Variants in RAB8B observed in about 807,000 individuals in gnomAD.
The protein encoded by RAB8B is RAB8B, member RAS oncogene family, also known as ras-related protein Rab-8B.
In RAB8B, 11 loss-of-function variants were observed where a neutral mutation model predicts 32.0. That is an observed-to-expected ratio of 0.34 (90% CI 0.22 to 0.57). The LOEUF (loss-of-function observed/expected upper bound fraction) is 0.57. Ranked by LOEUF, RAB8B falls within the 20% of genes least tolerant of loss-of-function variation. The pLI, the probability that RAB8B is intolerant of heterozygous loss-of-function variation, is 0.86. For missense variants in RAB8B, 190 were observed against 258.5 expected, an observed-to-expected ratio of 0.73 and a Z score of 1.82; for synonymous variants, 103 against 89.6, an observed-to-expected ratio of 1.15 and a Z score of -0.85.
At chr15:63,218,309 A>T (rs2037811594) in intron 1 of RAB8B, among the ~76,000 whole-genome samples, 1 of 152,204 alleles carries the variant, frequency 6.6e-6, no homozygotes. Flanking sequence ...GTGATAAGGA[A>T]TATTCAGTAC....
rs544025213 is a variant in RAB8B, at chr15:63,221,320, C to T, written c.125-23436C>T. 1.1e-3 allele frequency among the ~76,000 whole-genome samples: 165 copies of T among 152,240 alleles called. 1 individual carries two copies. Among genetic ancestry groups the T allele is most frequent in the African/African-American group, 3.8e-3 (157 of 41,528 alleles). On this transcript the variant is annotated intron_variant, in intron 1 of 7. Coordinates refer to ENST00000321437, the MANE Select transcript of RAB8B (RefSeq NM_016530.3). The stretch of plus-strand genomic sequence containing the variant: ...GGTATCCAGTATCCTGTGGTGCATA[C>T]AGTCTACTTTGGGAGAAGGGAGGGA...
At chr15:63,212,688 C>T (rs963353544) in intron 1 of RAB8B, among the ~76,000 whole-genome samples, 1 of 152,172 alleles carries the variant, frequency 6.6e-6, no homozygotes, top group Admixed American at 6.5e-5. Context: ...GAGGAGACAG[C>T]CTCTGGACTT....
At chr15:63,249,800 T>C (rs2038099656) in intron 3 of RAB8B, 95 bp downstream of exon 3, 7 of 1,305,304 alleles carry the variant, frequency 5.4e-6, no homozygotes, top group East Asian at 2.6e-5. Context: ...GAGTCTAGTA[T>C]GTAGAAAAAT....
At chr15:63,224,510 A>G (rs2037872941) in intron 1 of RAB8B, among the ~76,000 whole-genome samples, 1 of 152,130 alleles carries the variant, frequency 6.6e-6, no homozygotes, top group African/African-American at 2.4e-5. Context: ...TCTCCTTAAC[A>G]TCTCTTATTT....
At chr15:63,225,290 C>G (rs1459520675) in intron 1 of RAB8B, among the ~76,000 whole-genome samples, 1 of 152,154 alleles carries the variant, frequency 6.6e-6, no homozygotes. Flanking sequence ...AAAGCTCTTA[C>G]AAGTCAGAAT....
In RAB8B at chr15:63,214,286, C is replaced by CTTTTT. The variant is rs34415858; in HGVS notation, c.124+24557_124+24561dup. On this transcript the variant is annotated intron_variant, in intron 1 of 7. Transcript: ENST00000321437. ...GGAAATGGGTACGCTCAGTTTCTTT[C>CTTTTT]TTTTTTTTTTTTTTTTTTTTTTTGA... is the stretch of plus-strand genomic sequence containing the variant. 8.9e-3 allele frequency among the ~76,000 whole-genome samples: 853 copies of CTTTTT among 95,520 alleles called. 10 individuals carry two copies. Among genetic ancestry groups the CTTTTT allele is most frequent in the East Asian group, 0.04 (82 of 2,074 alleles). The allele number at this position is 95,520 out of a possible 152,430, so 62.7% of individuals were successfully genotyped here.
At chr15:63,208,236 A>C (rs1399852420) in intron 1 of RAB8B, among the ~76,000 whole-genome samples, 3 of 152,144 alleles carry the variant, frequency 2.0e-5, no homozygotes, top group Non-Finnish European at 4.4e-5. Context: ...AGGGACCCTC[A>C]ACATCTGTGC....
At chr15:63,206,814 C>T (rs2037701825) in intron 1 of RAB8B, among the ~76,000 whole-genome samples, 1 of 152,030 alleles carries the variant, frequency 6.6e-6, no homozygotes, top group Non-Finnish European at 1.5e-5. Flanking sequence ...AGTCTTGTCC[C>T]CCATCTCCTC....
intron 1 of RAB8B, among the ~76,000 whole-genome samples, chr15:63,240,282 A>G (rs1399593470): frequency 6.6e-6 from 1 of 152,194 alleles, no homozygotes; most frequent in African/African-American, 2.4e-5. Flanking sequence ...AGCTATTACA[A>G]ATAATCCATG....
chr15:63,254,302 A>T (rs2038142486), intron 3 of RAB8B, among the ~76,000 whole-genome samples: 1 of 152,144 alleles, frequency 6.6e-6, no homozygotes, highest in South Asian at 2.1e-4. Flanking sequence ...ACCAGATTGA[A>T]TTACACCCCT....
At chr15:63,222,319 G>C (rs925811210) in intron 1 of RAB8B, among the ~76,000 whole-genome samples, 3 of 151,976 alleles carry the variant, frequency 2.0e-5, no homozygotes, top group Admixed American at 1.3e-4. Flanking sequence ...TCTTCCTTTT[G>C]TCTCTCCGGC....
intron 1 of RAB8B, among the ~76,000 whole-genome samples, chr15:63,226,664 T>G (rs1474322835): frequency 2.6e-5 from 4 of 152,150 alleles, no homozygotes; most frequent in African/African-American, 9.7e-5. Flanking sequence ...AAATACATAG[T>G]CATTGTGTTT....
chr15:63,263,311 G>A (rs760671804), intron 7 of RAB8B, among the ~76,000 whole-genome samples: 15 of 152,074 alleles, frequency 9.9e-5, no homozygotes, highest in Admixed American at 5.9e-4. Context: ...AGCTGCTATC[G>A]TAAGGGCATT....
intron 1 of RAB8B, among the ~76,000 whole-genome samples, chr15:63,221,750 G>T (rs2037846676): frequency 6.6e-6 from 1 of 152,040 alleles, no homozygotes. Flanking sequence ...TTCCACCCTG[G>T]GCTCACGAAT....
intron 1 of RAB8B, among the ~76,000 whole-genome samples, chr15:63,194,079 C>A (rs1165195000): frequency 6.6e-6 from 1 of 152,136 alleles, no homozygotes; most frequent in East Asian, 1.9e-4. Context: ...TCTCTGCTGC[C>A]CTGCCCCCTT....
At chr15:63,239,087 C>T (rs1286038860) in intron 1 of RAB8B, among the ~76,000 whole-genome samples, 1 of 152,072 alleles carries the variant, frequency 6.6e-6, no homozygotes, top group Non-Finnish European at 1.5e-5. Flanking sequence ...AGCTGGAGCC[C>T]TAGATTGAGC....
chr15:63,252,784 T>C (rs2038127516), intron 3 of RAB8B, among the ~76,000 whole-genome samples: 1 of 151,930 alleles, frequency 6.6e-6, no homozygotes, highest in African/African-American at 2.4e-5. Flanking sequence ...GTTTCACTCT[T>C]GTTGCCCAGG....
intron 1 of RAB8B, among the ~76,000 whole-genome samples, chr15:63,202,204 G>C (rs1194415091): frequency 6.6e-6 from 1 of 151,752 alleles, no homozygotes; most frequent in Admixed American, 6.6e-5. Context: ...CGTGAACCCG[G>C]GAGGCAGAGC....
Position 63,263,775 on chromosome 15 carries a change from C to T in RAB8B, c.*156C>T, listed in dbSNP as rs952821795. Reference sequence around the variant, plus strand: ...ACACAGTATGCCAAGTGGATTCCAGCCTCATGGCCTAGCAAAAGAACAGAC... The same window carrying T: ...ACACAGTATGCCAAGTGGATTCCAGTCTCATGGCCTAGCAAAAGAACAGAC... On this transcript the variant is annotated 3_prime_UTR_variant, in exon 8 of 8. Coordinates refer to ENST00000321437, the MANE Select transcript of RAB8B (RefSeq NM_016530.3). The T allele has an allele frequency of 5.7e-6, 3 of 526,320 alleles. No individual in the cohort carries two copies. In the African/African-American group the frequency reaches 5.8e-5, roughly 10 times the overall value. The allele number at this position is 526,320 out of a possible 1,614,324, so 32.6% of individuals were successfully genotyped here. A position where few individuals can be genotyped will look rare whatever the true frequency, so the allele number is the denominator to read the frequency against.
Sources: allele counts gnomAD v4.1 joint callset (sites outside exome capture counted in the v4.1 genomes callset), GRCh38; gene constraint gnomAD v4.1.1; transcripts MANE v1.5; gene names NCBI Gene and HGNC (gene_info 2026-07-23, HGNC 2026-07-21).